Variants in LRP1B observed in about 807,000 individuals in gnomAD.
LRP1B encodes LDL receptor related protein 1B, also known as low-density lipoprotein receptor-related protein 1B.
In LRP1B, 217 loss-of-function variants were observed where a neutral mutation model predicts 556.6. The ratio of observed to expected loss-of-function variants is 0.39; its 90% CI spans 0.35 to 0.44. The LOEUF is 0.44. Ranked by LOEUF, LRP1B falls within the 20% of genes least tolerant of loss-of-function variation. The probability of loss-of-function intolerance (pLI) is 1.00; values close to 1 mark genes in which losing one functional copy is unlikely to be tolerated. For missense variants in LRP1B, 5,053 were observed against 5,620.8 expected, an observed-to-expected ratio of 0.90 and a Z score of 3.23; for synonymous variants, 2,047 against 1,865.8, an observed-to-expected ratio of 1.10 and a Z score of -2.50.
chr2:140,326,992 A>G (rs1248190356), intron 79 of LRP1B, among the ~76,000 whole-genome samples: 1 of 152,110 alleles, frequency 6.6e-6, no homozygotes, highest in Non-Finnish European at 1.5e-5. Flanking sequence ...TGGAAGAGTA[A>G]TATGTATGAC....
intron 7 of LRP1B, among the ~76,000 whole-genome samples, chr2:141,146,780 C>A (rs769683722): frequency 7.9e-5 from 12 of 152,132 alleles, no homozygotes; most frequent in Non-Finnish European, 1.0e-4. Flanking sequence ...TGTTCTTCTC[C>A]GTTTTCCTGC....
intron 83 of LRP1B, among the ~76,000 whole-genome samples, chr2:140,307,248 C>T (rs1301622626): frequency 6.6e-6 from 1 of 151,936 alleles, no homozygotes; most frequent in African/African-American, 2.4e-5. Context: ...ACATCACATT[C>T]TGTAAACAGC....
intron 7 of LRP1B, among the ~76,000 whole-genome samples, chr2:141,140,656 C>A (rs1701627625): frequency 6.6e-6 from 1 of 152,114 alleles, no homozygotes. Context: ...GGACAGACGT[C>A]TTAGGGGAAA....
At chr2:141,090,258 AAAAAT>A (rs1383160636) in intron 7 of LRP1B, among the ~76,000 whole-genome samples, 1 of 152,134 alleles carries the variant, frequency 6.6e-6, no homozygotes, top group African/African-American at 2.4e-5. Flanking sequence ...GAAAAATAGT[AAAAAT>A]AAAAGCAAAA....
chr2:140,791,361 T>TG, intron 32 of LRP1B, among the ~76,000 whole-genome samples: 1 of 151,610 alleles, frequency 6.6e-6, no homozygotes, highest in East Asian at 1.9e-4. Flanking sequence ...CCCAGGGTGT[T>TG]GAGGTTGCAG....
At chr2:141,447,052 C>T (rs1483775460) in intron 3 of LRP1B, among the ~76,000 whole-genome samples, 1 of 152,074 alleles carries the variant, frequency 6.6e-6, no homozygotes, top group Non-Finnish European at 1.5e-5. Flanking sequence ...GTATGCCAAT[C>T]AAATGTAGGT....
intron 47 of LRP1B, among the ~76,000 whole-genome samples, chr2:140,528,771 G>C (rs961335827): frequency 4.0e-5 from 6 of 151,630 alleles, no homozygotes; most frequent in South Asian, 2.1e-4. Context: ...GGAGAATCCT[G>C]TGAGGAAAAA....
chr2:140,756,162 C>G (rs1416196086), intron 35 of LRP1B, among the ~76,000 whole-genome samples: 3 of 151,840 alleles, frequency 2.0e-5, no homozygotes, highest in Non-Finnish European at 4.4e-5. Flanking sequence ...AACTGAAAAT[C>G]ATTTTTAAGA....
In LRP1B at chr2:141,062,229, C is replaced by A. The variant is rs1699356306; in HGVS notation, c.1058G>T (p.Arg353Ile). The A allele has an allele frequency of 6.2e-7, 1 of 1,611,426 alleles. No individual in the cohort carries two copies. Among genetic ancestry groups the A allele is most frequent in the Non-Finnish European group, 8.5e-7 (1 of 1,178,376 alleles). The change falls in exon 8 of 91, where the codon AGA becomes ATA. Residue 353 changes from arginine (R) to isoleucine (I), a missense_variant. Arg to Ile is a moderately conservative substitution (Grantham distance 97, BLOSUM62 -3). Coordinates refer to ENST00000389484, the MANE Select transcript of LRP1B (RefSeq NM_018557.3). ...TCGGTTCATCCCATCCATGTCACAT[C>A]TCTCCACTTTGGCGACATTCCCGTA... ...TDYGNVAKVE[R>I]CDMDGMNRTR...
intron 3 of LRP1B, among the ~76,000 whole-genome samples, chr2:141,423,835 AAC>A (rs1680245753): frequency 6.7e-6 from 1 of 149,198 alleles, no homozygotes; most frequent in Non-Finnish European, 1.5e-5. Context: ...TAAAAAAAAA[AAC>A]CCTACATTTA....
chr2:140,350,939 A>C lies in LRP1B; in HGVS notation c.11750T>G (p.Ile3917Ser). 6.2e-7 allele frequency: 1 copy of C among 1,610,982 alleles called. No individual in the cohort carries two copies. Among genetic ancestry groups the C allele is most frequent in the Non-Finnish European group, 8.5e-7 (1 of 1,177,774 alleles). Residue 3917 changes from isoleucine (I) to serine (S), a missense_variant, in exon 77 of 91, where the codon ATT becomes AGT. Ile to Ser is a moderately radical substitution (Grantham distance 142). Coordinates refer to ENST00000389484, the MANE Select transcript of LRP1B (RefSeq NM_018557.3). ...YSGDHQQISHIEHNSRITGMD... is the reference protein window; with the variant it reads ...YSGDHQQISHSEHNSRITGMD... ...CCCTGTTATTCTTGAATTATGTTCAATATGAGAAATTTGTTGATGATCGCC... is the reference window on the plus strand; with the variant it reads ...CCCTGTTATTCTTGAATTATGTTCACTATGAGAAATTTGTTGATGATCGCC...
intron 1 of LRP1B, among the ~76,000 whole-genome samples, chr2:142,003,620 G>A (rs1702721254): frequency 6.6e-6 from 1 of 152,172 alleles, no homozygotes; most frequent in Admixed American, 6.5e-5. Flanking sequence ...GGCTGCGATG[G>A]CAACAATAGA....
At chr2:140,486,100 T>C (rs753612625) in intron 58 of LRP1B, among the ~76,000 whole-genome samples, 3 of 151,996 alleles carry the variant, frequency 2.0e-5, no homozygotes, top group Non-Finnish European at 4.4e-5. Context: ...AAATACAGTA[T>C]GAAATATAGT....
chr2:140,956,217 C>T (rs1695868144), intron 18 of LRP1B, among the ~76,000 whole-genome samples: 1 of 151,632 alleles, frequency 6.6e-6, no homozygotes, highest in Non-Finnish European at 1.5e-5. Context: ...ACACTAACAC[C>T]AATTTGCAGA....
At chr2:141,237,139 C>T (rs1683672969) in intron 5 of LRP1B, among the ~76,000 whole-genome samples, 1 of 151,982 alleles carries the variant, frequency 6.6e-6, no homozygotes, top group African/African-American at 2.4e-5. Flanking sequence ...TTCAAAATTG[C>T]AGTTATTGTT....
At chr2:140,742,913 T>C (rs1688189092) in intron 35 of LRP1B, among the ~76,000 whole-genome samples, 2 of 152,308 alleles carry the variant, frequency 1.3e-5, no homozygotes, top group South Asian at 4.1e-4. Flanking sequence ...GCATTGTGAC[T>C]CATAATTGTA....
At chr2:140,295,859 C>G (rs1454411889) in intron 84 of LRP1B, among the ~76,000 whole-genome samples, 1 of 151,960 alleles carries the variant, frequency 6.6e-6, no homozygotes, top group Non-Finnish European at 1.5e-5. Context: ...AGAATAGATA[C>G]TTTGGGGCAA....
At chr2:140,311,659 A>C (rs1684307680) in intron 83 of LRP1B, among the ~76,000 whole-genome samples, 1 of 152,002 alleles carries the variant, frequency 6.6e-6, no homozygotes, top group African/African-American at 2.4e-5. Context: ...GTATTCCCTA[A>C]ATTTACACAA....
At chr2:141,693,859 G>A (rs551758315) in intron 2 of LRP1B, among the ~76,000 whole-genome samples, 5 of 152,092 alleles carry the variant, frequency 3.3e-5, no homozygotes, top group Admixed American at 3.3e-4. Flanking sequence ...TCTGTAGATG[G>A]ATAAAGCCTT....
Sources: allele counts gnomAD v4.1 joint callset (sites outside exome capture counted in the v4.1 genomes callset), GRCh38; gene constraint gnomAD v4.1.1; transcripts MANE v1.5; gene names NCBI Gene and HGNC (gene_info 2026-07-23, HGNC 2026-07-21).